CYTIP: variants seen among roughly 807,000 people sequenced by gnomAD.
The protein encoded by CYTIP is cytohesin-interacting protein.
A neutral mutation model predicts 43.8 loss-of-function variants in CYTIP; 26 were observed. That is an observed-to-expected ratio of 0.59 (90% CI 0.44 to 0.82). The LOEUF (loss-of-function observed/expected upper bound fraction) is 0.82, where lower values mean the gene tolerates loss of function less well. CYTIP is among the 40% of genes least tolerant of loss of function. CYTIP has a pLI of 0.00. For synonymous variants in CYTIP, 162 were observed against 162.9 expected (o/e 0.99, Z 0.04); for missense variants, 426 against 443.1 (o/e 0.96, Z 0.35).
At chr2:157,423,988 G>A (rs977554217) in intron 6 of CYTIP, among the ~76,000 whole-genome samples, 1 of 152,156 alleles carries the variant, frequency 6.6e-6, no homozygotes, top group Non-Finnish European at 1.5e-5. Flanking sequence ...ATAGAAGGGA[G>A]TCTCCTTAAT....
At chr2:157,422,742 T>G (rs1685541862) in intron 6 of CYTIP, among the ~76,000 whole-genome samples, 1 of 150,190 alleles carries the variant, frequency 6.7e-6, no homozygotes, top group Non-Finnish European at 1.5e-5. Context: ...CTCTGAGAGA[T>G]ATAATCCTCT....
intron 3 of CYTIP, among the ~76,000 whole-genome samples, chr2:157,432,956 G>C (rs1685736469): frequency 6.6e-6 from 1 of 152,308 alleles, no homozygotes; most frequent in East Asian, 1.9e-4. Context: ...GGTGCCATTA[G>C]TTCATGTTGA....
At chr2:157,428,692 T>A (rs1685651172) in intron 5 of CYTIP, among the ~76,000 whole-genome samples, 1 of 152,178 alleles carries the variant, frequency 6.6e-6, no homozygotes, top group South Asian at 2.1e-4. Context: ...CTACCAGCAG[T>A]TCCCCTCAGA....
At chr2:157,432,497 A>G (rs894997339) in intron 3 of CYTIP, among the ~76,000 whole-genome samples, 1 of 152,114 alleles carries the variant, frequency 6.6e-6, no homozygotes, top group Non-Finnish European at 1.5e-5. Flanking sequence ...TGGATCTTCT[A>G]TTGGTAAGGC....
Position 157,430,874 on chromosome 2 carries a change from G to C in CYTIP, c.368C>G (p.Ala123Gly). 1 of 1,610,180 alleles carries C rather than the reference G, an allele frequency of 6.2e-7. No individual in the cohort carries two copies. Among genetic ancestry groups the C allele is most frequent in the African/African-American group, 1.3e-5 (1 of 74,690 alleles). The change falls in exon 4 of 8, where the codon GCT (alanine) becomes GGT (glycine). Residue 123 changes from alanine to glycine, a missense_variant. Physicochemically the swap from Ala to Gly is moderately conservative, Grantham distance 60. Transcript: ENST00000264192. ...ATTTAAGTTACCAGCTTGCAGGCCA[G>C]CACAGTGAGCTGGGCTGTCCTCCTG... ...KIQEDSPAHC[A>G]GLQAGDVLAN...
At chr2:157,430,747 A>G in intron 4 of CYTIP, 95 bp from the exon 5 acceptor site, 1 of 1,461,206 alleles carries the variant, frequency 6.8e-7, no homozygotes, top group Non-Finnish European at 9.5e-7. Flanking sequence ...TCTTAAAAAC[A>G]TAAAGGAGCC....
chr2:157,426,972 A>T (rs371531384), intron 6 of CYTIP, among the ~76,000 whole-genome samples: 23 of 152,358 alleles, frequency 1.5e-4, no homozygotes, highest in Middle Eastern at 3.4e-3. Context: ...CCAAAAGAGG[A>T]CACGGAAAAA....
At chr2:157,443,555 T>C (rs1407748401) in intron 1 of CYTIP, among the ~76,000 whole-genome samples, 1 of 152,234 alleles carries the variant, frequency 6.6e-6, no homozygotes, top group Admixed American at 6.5e-5. Context: ...GTTGTATCTA[T>C]ATAAACCATC....
chr2:157,420,946 G>T (rs1295237683), intron 6 of CYTIP, among the ~76,000 whole-genome samples: 4 of 152,148 alleles, frequency 2.6e-5, no homozygotes, highest in African/African-American at 9.7e-5. Flanking sequence ...AGTCAGCACT[G>T]GCTGACTTTA....
At chr2:157,438,172 A>T (rs1357870622) in intron 1 of CYTIP, among the ~76,000 whole-genome samples, 24 of 152,382 alleles carry the variant, frequency 1.6e-4, no homozygotes. Flanking sequence ...GTATATATAC[A>T]CCATGGAATA....
chr2:157,426,185 A>T (rs560066343), intron 6 of CYTIP, among the ~76,000 whole-genome samples: 53 of 152,276 alleles, frequency 3.5e-4, no homozygotes, highest in Non-Finnish European at 6.9e-4. Flanking sequence ...AATGATATGT[A>T]AAAATATAGG....
At chr2:157,420,886 A>G (rs757909465) in intron 6 of CYTIP, among the ~76,000 whole-genome samples, 6 of 152,180 alleles carry the variant, frequency 3.9e-5, no homozygotes, top group Non-Finnish European at 5.9e-5. Flanking sequence ...AAAACTAGAG[A>G]CAGAAAGAAG....
chr2:157,416,287 G>A lies in CYTIP; in HGVS notation c.614-144C>T, dbSNP rs1685439815. On this transcript the variant is annotated intron_variant, in intron 7 of 7. Transcript: ENST00000264192. ...ACTGAGCTTTGGCGTGCTTGAATAA[G>A]TAACTGTTTATGAGACCATTTGATA... The A allele has an allele frequency of 4.4e-6, 3 of 683,410 alleles. No individual in the cohort carries two copies. In the South Asian group the frequency reaches 5.9e-5, roughly 13 times the overall value. 42.3% of individuals were successfully genotyped at this position (683,410 alleles called of 1,614,324 possible). A position where few individuals can be genotyped will look rare whatever the true frequency, so the allele number is the denominator to read the frequency against.
chr2:157,421,267 C>T (rs549937737), intron 6 of CYTIP, among the ~76,000 whole-genome samples: 2 of 152,324 alleles, frequency 1.3e-5, no homozygotes, highest in East Asian at 3.9e-4. Flanking sequence ...AGTTCAGTGC[C>T]AGCTACATAG....
intron 1 of CYTIP, among the ~76,000 whole-genome samples, chr2:157,442,778 G>T (rs964824414): frequency 2.0e-5 from 3 of 152,070 alleles, no homozygotes; most frequent in Non-Finnish European, 4.4e-5. Flanking sequence ...ACTGAAAAAA[G>T]ATCATGTCTC....
intron 1 of CYTIP, among the ~76,000 whole-genome samples, chr2:157,440,199 C>T (rs200196877): frequency 6.6e-6 from 1 of 152,122 alleles, no homozygotes; most frequent in East Asian, 1.9e-4. Context: ...GCCTCACTCC[C>T]CAATTCTTCC....
intron 1 of CYTIP, among the ~76,000 whole-genome samples, chr2:157,437,450 C>T (rs1374835924): frequency 6.6e-6 from 1 of 151,910 alleles, no homozygotes; most frequent in African/African-American, 2.4e-5. Flanking sequence ...CCTGTAATCC[C>T]AGCACTTTGG....
At chr2:157,437,625 G>A (rs139662026) in intron 1 of CYTIP, among the ~76,000 whole-genome samples, 1,605 of 151,550 alleles carry the variant, frequency 0.011, 35 homozygotes, top group African/African-American at 0.037. Context: ...GCTTCAACCC[G>A]GGCGGCGGAG....
rs1042038 is a variant in CYTIP at position 157,443,912 on chromosome 2, C to T, written c.109G>A (p.Asp37Asn). The T allele has an allele frequency of 9.9e-4, 1,592 of 1,614,156 alleles. 2 individuals are homozygous for T. Among genetic ancestry groups the T allele is most frequent in the Non-Finnish European group, 1.3e-3 (1,524 of 1,180,004 alleles). The change falls in exon 1 of 8, where the codon GAC (aspartate) becomes AAC (asparagine). Residue 37 changes from aspartate (D) to asparagine (N), a missense_variant. Transcript: ENST00000264192. Reference protein sequence around the residue: ...YSTLTGSLTMDDNRRIQMLAD... With the variant: ...YSTLTGSLTMNDNRRIQMLAD... Reference sequence around the variant, plus strand: ...AGCATTTGAATCCTTCTATTATCGTCCATCGTAAGGCTGCCGGTGAGTGTG... The same window carrying T: ...AGCATTTGAATCCTTCTATTATCGTTCATCGTAAGGCTGCCGGTGAGTGTG...
Sources: gnomAD v4.1 joint callset for allele counts (sites outside exome capture counted in the v4.1 genomes callset) on GRCh38, gnomAD v4.1.1 for gene constraint, MANE v1.5 for transcripts, NCBI Gene and HGNC (gene_info 2026-07-23, HGNC 2026-07-21) for gene names.